The following RORA variants were observed in gnomAD, a reference collection of about 807,000 sequenced individuals.
RORA encodes RAR related orphan receptor A, also known as nuclear receptor ROR-alpha.
RORA carries 7 observed loss-of-function variants against 69.5 expected under a neutral mutation model. The ratio of observed to expected loss-of-function variants is 0.10; its 90% CI spans 0.06 to 0.19. The LOEUF (loss-of-function observed/expected upper bound fraction) is 0.19, where lower values mean the gene tolerates loss of function less well. RORA is among the 10% of genes least tolerant of loss of function. The probability of loss-of-function intolerance (pLI) is 1.00; values close to 1 mark genes in which losing one functional copy is unlikely to be tolerated. For synonymous variants in RORA, 261 were observed against 240.8 expected (o/e 1.08, Z -0.78); for missense variants, 457 against 663.0 (o/e 0.69, Z 3.41).
At chr15:60,825,812 T>C (rs1326198878) in intron 1 of RORA, among the ~76,000 whole-genome samples, 1 of 152,212 alleles carries the variant, frequency 6.6e-6, no homozygotes, top group East Asian at 1.9e-4. Flanking sequence ...AGGTATAGTT[T>C]AGATGTACCT....
At chr15:60,549,648 G>A (rs1476461580) in intron 2 of RORA, among the ~76,000 whole-genome samples, 2 of 152,120 alleles carry the variant, frequency 1.3e-5, no homozygotes, top group African/African-American at 4.8e-5. Flanking sequence ...GTGTGTGGGA[G>A]GGAGGATCTG....
chr15:60,853,729 A>G (rs1210399797), intron 1 of RORA, among the ~76,000 whole-genome samples: 1 of 152,210 alleles, frequency 6.6e-6, no homozygotes, highest in African/African-American at 2.4e-5. Context: ...AATTTGTTGA[A>G]TTTCAGGAGA....
chr15:60,570,053 C>T (rs1009531881), intron 2 of RORA, among the ~76,000 whole-genome samples: 2 of 152,038 alleles, frequency 1.3e-5, no homozygotes, highest in African/African-American at 4.8e-5. Context: ...AGCGTGAGAT[C>T]CTTCGACAGA....
At chr15:61,025,318 C>T (rs961361715) in intron 1 of RORA, among the ~76,000 whole-genome samples, 14 of 152,206 alleles carry the variant, frequency 9.2e-5, no homozygotes, top group African/African-American at 3.4e-4. Context: ...AACGCCTCTC[C>T]TGAGAGAACT....
At chr15:60,993,356 C>A (rs1407328690) in intron 1 of RORA, among the ~76,000 whole-genome samples, 2 of 152,024 alleles carry the variant, frequency 1.3e-5, no homozygotes, top group South Asian at 2.1e-4. Flanking sequence ...GACCTGGGAT[C>A]GGCTGGGCAC....
intron 1 of RORA, among the ~76,000 whole-genome samples, chr15:60,976,023 T>TAAGCTGG (rs1893863435): frequency 6.6e-6 from 1 of 152,216 alleles, no homozygotes; most frequent in South Asian, 2.1e-4. Flanking sequence ...TTGGGCCATA[T>TAAGCTGG]AAGCTGGAGG....
intron 1 of RORA, among the ~76,000 whole-genome samples, chr15:60,988,243 G>A (rs899242912): frequency 1.6e-4 from 24 of 152,176 alleles, no homozygotes; most frequent in African/African-American, 5.5e-4. Context: ...GGAAGACACT[G>A]GGGGCAAGTG....
At chr15:60,834,356 T>C (rs1022238422) in intron 1 of RORA, among the ~76,000 whole-genome samples, 2 of 152,198 alleles carry the variant, frequency 1.3e-5, no homozygotes, top group Admixed American at 6.5e-5. Flanking sequence ...GATCCAAGGT[T>C]AGTTCCTGTG....
At chr15:61,185,801 C>T (rs567512484) in intron 1 of RORA, among the ~76,000 whole-genome samples, 1 of 152,140 alleles carries the variant, frequency 6.6e-6, no homozygotes, top group Admixed American at 6.5e-5. Flanking sequence ...CTGAGGGTCT[C>T]CTCAGGAGAA....
intron 1 of RORA, among the ~76,000 whole-genome samples, chr15:61,066,114 G>C (rs2078254120): frequency 6.6e-6 from 1 of 152,066 alleles, no homozygotes; most frequent in Non-Finnish European, 1.5e-5. Context: ...AGTTTGCAAT[G>C]GTATATTGGC....
At chr15:60,815,406 C>T (rs541254876) in intron 1 of RORA, among the ~76,000 whole-genome samples, 79 of 152,112 alleles carry the variant, frequency 5.2e-4, no homozygotes, top group African/African-American at 1.7e-3. Context: ...CCGTTTAAAC[C>T]CTCAGCAGAG....
At chr15:61,108,041 C>G (rs2078968171) in intron 1 of RORA, among the ~76,000 whole-genome samples, 1 of 152,148 alleles carries the variant, frequency 6.6e-6, no homozygotes, top group African/African-American at 2.4e-5. Flanking sequence ...AGCGATAACC[C>G]TTCTATTTCA....
chr15:60,669,349 TTGTTTGTTTG>T (rs2070430378), intron 2 of RORA, among the ~76,000 whole-genome samples: 1 of 150,488 alleles, frequency 6.6e-6, no homozygotes, highest in Non-Finnish European at 1.5e-5. Flanking sequence ...TTTTGTTTGT[TTGTTTGTTTG>T]TTTGTTTGTT....
At chr15:60,774,351 C>T (rs1366749981) in intron 1 of RORA, among the ~76,000 whole-genome samples, 1 of 152,206 alleles carries the variant, frequency 6.6e-6, no homozygotes, top group Non-Finnish European at 1.5e-5. Context: ...CAGAATCTGT[C>T]CTAATCCAAG....
intron 1 of RORA, among the ~76,000 whole-genome samples, chr15:60,963,418 C>T (rs182495851): frequency 6.6e-6 from 1 of 152,054 alleles, no homozygotes; most frequent in Non-Finnish European, 1.5e-5. Context: ...ATGATGGAAG[C>T]AATGGTTGAA....
intron 1 of RORA, among the ~76,000 whole-genome samples, chr15:61,090,889 C>T (rs1311940414): frequency 9.2e-5 from 14 of 152,204 alleles, no homozygotes; most frequent in Admixed American, 2.0e-4. Flanking sequence ...CCTCGACACA[C>T]GCAGTCATTT....
At chr15:60,571,036 T>C (rs1355054988) in intron 2 of RORA, among the ~76,000 whole-genome samples, 1 of 152,220 alleles carries the variant, frequency 6.6e-6, no homozygotes, top group Non-Finnish European at 1.5e-5. Context: ...AGTTCTTTTT[T>C]TTTCTCTCCT....
In RORA at chr15:61,083,207, G is replaced by A. The variant is rs993797063; in HGVS notation, c.166+145846C>T. Among the ~76,000 whole-genome samples the A allele has an allele frequency of 2.6e-5, 4 of 152,186 alleles. No homozygotes were observed. The South Asian group carries it at 6.2e-4, about 24-fold the overall frequency. ...AGCAGGACTGATGTTCCGTTGTCCC[G>A]AGGCTGACACGGCTTCCCTCTCCCA... is the stretch of plus-strand genomic sequence containing the variant. On this transcript the variant is annotated intron_variant, in intron 1 of 10. Transcript: ENST00000335670.
intron 2 of RORA, among the ~76,000 whole-genome samples, chr15:60,654,076 C>T (rs2070186461): frequency 6.6e-6 from 1 of 152,160 alleles, no homozygotes; most frequent in Admixed American, 6.6e-5. Flanking sequence ...TGGGATTTAG[C>T]ATGCCTGTCA....
Sources: gnomAD v4.1 joint callset for allele counts (sites outside exome capture counted in the v4.1 genomes callset) on GRCh38, gnomAD v4.1.1 for gene constraint, MANE v1.5 for transcripts, NCBI Gene and HGNC (gene_info 2026-07-23, HGNC 2026-07-21) for gene names.